PROSER3: variants seen among roughly 807,000 people sequenced by gnomAD.
PROSER3 encodes the protein proline and serine-rich protein 3.
A neutral mutation model predicts 50.2 loss-of-function variants in PROSER3; 33 were observed. The observed-to-expected ratio is 0.66, with a 90% confidence interval of 0.50 to 0.88. PROSER3 has a LOEUF of 0.88. Among genes scored for constraint, PROSER3 ranks in the 40% least tolerant of loss-of-function variants. PROSER3 has a pLI of 0.00. For missense variants in PROSER3, 623 were observed against 612.7 expected (o/e 1.02, Z -0.18); for synonymous variants, 266 against 259.3 (o/e 1.03, Z -0.25).
At position 35,764,942 on chromosome 19, in the gene PROSER3, C is replaced by T. The variant is rs116923661; in HGVS notation, c.626+6C>T. On this transcript the variant is annotated splice_donor_region_variant and intron_variant, in intron 6 of 10. Transcript: ENST00000396908. ...GCCAGGCTGCTCAAACGCAGGTGCC[C>T]GCACCCCTGCCCCCATCACCCTTCC... 0.01 allele frequency: 16,773 copies of T among 1,613,440 alleles called. 105 individuals carry two copies. The highest frequency in any genetic ancestry group is 0.012 in the Non-Finnish European group (14,307 of 1,179,790).
chr19:35,768,610 C>G (rs1300587978), exon 11 of PROSER3: 8 of 1,501,644 alleles, frequency 5.3e-6, no homozygotes, highest in Non-Finnish European at 7.0e-6. Flanking sequence ...TACTGGTTAT[C>G]TGTGAGAAAG....
chr19:35,758,202 G>A, exon 1 of PROSER3: 1 of 1,560,726 alleles, frequency 6.4e-7, no homozygotes. Context: ...CGGAAGCGCG[G>A]AGGGAGCCGC....
At position 35,759,477 on chromosome 19, in the gene PROSER3, A is replaced by T; in HGVS notation, c.108+7A>T. ...CCAGACCTGGTGTCCCAAGGTGAGG[A>T]CACCCCTCAAAGAGTGCTGAGTGCC... On this transcript the variant is annotated splice_region_variant and intron_variant, in intron 2 of 10. Transcript: ENST00000396908. 6.2e-7 allele frequency: 1 copy of T among 1,608,722 alleles called. No homozygotes were observed. The highest frequency in any genetic ancestry group is 8.5e-7 in the Non-Finnish European group (1 of 1,176,826).
At chr19:35,770,437 A>C (rs1013886861), downstream of PROSER3, among the ~76,000 whole-genome samples, 1 of 36,880 alleles carries the variant, frequency 2.7e-5, no homozygotes, top group Non-Finnish European at 4.1e-5. Context: ...CTGTTGGAAA[A>C]CTTAACGGTT....
At chr19:35,770,705 T>C (rs747181878), downstream of PROSER3, 3 of 151,856 alleles carry the variant, frequency 2.0e-5, no homozygotes, top group Non-Finnish European at 2.9e-5. Context: ...TGGTGAAATG[T>C]CTCTACTAAA....
chr19:35,766,780 C>G, exon 8 of PROSER3: 2 of 1,548,798 alleles, frequency 1.3e-6, no homozygotes, highest in Non-Finnish European at 1.7e-6. Context: ...TCCCCGGCAC[C>G]AGCCCAGGCC....
intron 3 of PROSER3, among the ~76,000 whole-genome samples, chr19:35,760,821 C>T (rs117970882): frequency 0.014 from 2,069 of 152,310 alleles, 20 homozygotes; most frequent in South Asian, 0.035. Context: ...TCCCCTAGGG[C>T]TGTTTTGAGC....
At chr19:35,768,408 G>A (rs766263446) in exon 11 of PROSER3, 1 of 1,596,086 alleles carries the variant, frequency 6.3e-7, no homozygotes, top group Non-Finnish European at 8.5e-7. Flanking sequence ...CTCCAGGGAA[G>A]CGGATGCCCG....
intron 1 of PROSER3, chr19:35,758,521 A>C (rs1229166757): frequency 2.6e-6 from 1 of 377,792 alleles, no homozygotes; most frequent in Non-Finnish European, 4.7e-6. Flanking sequence ...AATGGCCCCC[A>C]GACACGCCTG....
chr19:35,764,919 C>A lies in PROSER3; in HGVS notation c.609C>A (p.Ala203=), dbSNP rs781136856. The change falls in exon 6 of 11, where the codon GCC becomes GCA. Residue 203 remains alanine (A), a synonymous_variant. Transcript: ENST00000396908. ...CGCTGAGCCTACAGAGCAGAGCTGCCAGGCTGCTCAAACGCAGGTGCCCGC... is the reference window on the plus strand; with the variant it reads ...CGCTGAGCCTACAGAGCAGAGCTGCAAGGCTGCTCAAACGCAGGTGCCCGC... 12 of 1,613,608 alleles carry A rather than the reference C, an allele frequency of 7.4e-6. No individual in the cohort carries two copies. The Admixed American group carries it at 2.0e-4, about 27-fold the overall frequency.
rs767149295 is a variant in PROSER3, at chr19:35,767,827, C to T, written c.981C>T (p.Ala327=). 15 of 1,613,302 alleles carry T rather than the reference C, an allele frequency of 9.3e-6. No homozygotes were observed. The South Asian group carries it at 9.9e-5, about 11-fold the overall frequency. ...AGGCCGAGTCTCTGAAAGCCAAGGC[C>T]TTGCCGCCCGCAGCGGGGTCAGTGA... Residue 327 remains alanine (A), a synonymous_variant, in exon 9 of 11, where the codon GCC becomes GCT. Coordinates refer to ENST00000396908, the Ensembl canonical transcript of PROSER3.
At chr19:35,760,161 C>A (rs1297215843) in intron 3 of PROSER3, among the ~76,000 whole-genome samples, 170 bp downstream of exon 3, 1 of 152,180 alleles carries the variant, frequency 6.6e-6, no homozygotes, top group Non-Finnish European at 1.5e-5. Flanking sequence ...CAAATCCCAG[C>A]TCTGTCATTT....
intron 7 of PROSER3, among the ~76,000 whole-genome samples, chr19:35,765,783 C>T (rs149653312): frequency 1.3e-5 from 2 of 152,252 alleles, no homozygotes; most frequent in African/African-American, 4.8e-5. Flanking sequence ...GATCCCCCCA[C>T]CGCCTTCGCT....
chr19:35,764,842 G>C lies in PROSER3; in HGVS notation c.544-12G>C, dbSNP rs1971082653. On this transcript the variant is annotated splice_polypyrimidine_tract_variant and intron_variant, in intron 5 of 10. Transcript: ENST00000396908. ...TGGGTTGGGGCTGGCGTCTGACCCT[G>C]TCACCCTGCAGAACCTCCACACATG... 6.2e-7 allele frequency: 1 copy of C among 1,611,264 alleles called. No individual in the cohort carries two copies. The highest frequency in any genetic ancestry group is 1.3e-5 in the African/African-American group (1 of 74,782).
chr19:35,763,003 GC>G (rs1441000880), intron 5 of PROSER3: 1 of 148,486 alleles, frequency 6.7e-6, no homozygotes, highest in Non-Finnish European at 1.5e-5. Flanking sequence ...GCGCACTCCA[GC>G]CTGGCGACAG....
rs750952004 is a variant in PROSER3 at position 35,762,245 on chromosome 19, C to T, written c.440-8C>T. ...CCTGGCCCTCATACCTCAACTGGGG[C>T]TTCTCAGCAGGAGCCAACAAACCAG... On this transcript the variant is annotated splice_polypyrimidine_tract_variant and splice_region_variant and intron_variant, in intron 4 of 10. Coordinates refer to ENST00000396908, the Ensembl canonical transcript of PROSER3. 4.4e-6 allele frequency: 7 copies of T among 1,608,840 alleles called. No individual in the cohort carries two copies. The highest frequency in any genetic ancestry group is 5.1e-6 in the Non-Finnish European group (6 of 1,175,898).
intron 9 of PROSER3, 38 bp from the exon 10 acceptor site, chr19:35,768,117 C>G (rs1971232087): frequency 6.2e-7 from 1 of 1,603,130 alleles, no homozygotes. Context: ...CCCTAAGAGG[C>G]CGGCCCCTTG....
chr19:35,763,812 T>TTC (rs1971047791), intron 5 of PROSER3, among the ~76,000 whole-genome samples: 2 of 150,448 alleles, frequency 1.3e-5, no homozygotes, highest in African/African-American at 4.9e-5. Context: ...GGCCTTCTTT[T>TTC]TTTTTTTTTT....
intron 5 of PROSER3, 30 bp from the exon 6 acceptor site, chr19:35,764,824 G>A: frequency 3.8e-6 from 6 of 1,595,024 alleles, no homozygotes; most frequent in Non-Finnish European, 5.1e-6. Context: ...CTTTGGGTTG[G>A]GGCTGGCGTC....
Sources: allele counts gnomAD v4.1 joint callset (sites outside exome capture counted in the v4.1 genomes callset), GRCh38; gene constraint gnomAD v4.1.1; transcripts MANE v1.5; gene names NCBI Gene and HGNC (gene_info 2026-07-23, HGNC 2026-07-21).